The following RIPOR2 variants were observed in gnomAD, a reference collection of about 807,000 sequenced individuals.
RIPOR2 encodes the protein rho family-interacting cell polarization regulator 2.
In RIPOR2, 39 loss-of-function variants were observed where a neutral mutation model predicts 114.5. That is an observed-to-expected ratio of 0.34 (90% CI 0.26 to 0.44). The LOEUF (loss-of-function observed/expected upper bound fraction) is 0.44, where lower values mean the gene tolerates loss of function less well. RIPOR2 is among the 20% of genes least tolerant of loss of function. The pLI is 1.00. For synonymous variants in RIPOR2, 445 were observed against 484.4 expected, an observed-to-expected ratio of 0.92 and a Z score of 1.07; for missense variants, 1,007 against 1,255.1, an observed-to-expected ratio of 0.80 and a Z score of 2.99.
intron 15 of RIPOR2, among the ~76,000 whole-genome samples, 193 bp downstream of exon 15, chr6:24,835,510 T>A (rs1199558481): frequency 6.6e-6 from 1 of 151,964 alleles, no homozygotes; most frequent in East Asian, 1.9e-4. Context: ...GAGAGTTAGG[T>A]TCGAAGATGA....
At chr6:24,927,049 TACCACCACC>T (rs1160249990) in intron 1 of RIPOR2, among the ~76,000 whole-genome samples, 36 of 328 alleles carry the variant, frequency 0.11, 1 homozygote, top group East Asian at 0.5. Context: ...ATCATCTCAC[TACCACCACC>T]ACCACCACCA....
intron 1 of RIPOR2, among the ~76,000 whole-genome samples, chr6:25,018,131 G>T (rs1044130097): frequency 1.3e-5 from 2 of 152,138 alleles, no homozygotes; most frequent in Non-Finnish European, 1.5e-5. Flanking sequence ...AGTCTGAAGG[G>T]TTTCATGTTG....
intron 2 of RIPOR2, 35 bp from the exon 3 acceptor site, chr6:24,873,834 G>C: frequency 6.4e-7 from 1 of 1,552,546 alleles, no homozygotes; most frequent in Non-Finnish European, 8.7e-7. Context: ...TGAGGATTGG[G>C]CATCCAAAAG....
intron 1 of RIPOR2, among the ~76,000 whole-genome samples, chr6:24,982,127 T>G (rs1774322388): frequency 6.6e-6 from 1 of 152,252 alleles, no homozygotes; most frequent in African/African-American, 2.4e-5. Flanking sequence ...AGAGATCTCT[T>G]TTTTAAGTAA....
chr6:25,005,416 C>A (rs1347726207), intron 1 of RIPOR2, among the ~76,000 whole-genome samples: 1 of 151,990 alleles, frequency 6.6e-6, no homozygotes, highest in Non-Finnish European at 1.5e-5. Flanking sequence ...ACCTGCAGAG[C>A]ATCTATACAA....
chr6:24,983,721 C>T (rs1774403453), intron 1 of RIPOR2, among the ~76,000 whole-genome samples: 1 of 139,324 alleles, frequency 7.2e-6, no homozygotes, highest in African/African-American at 2.7e-5. Context: ...CGTGCCACTA[C>T]ACTCCAGCCT....
chr6:24,989,778 T>C (rs1225132106), intron 1 of RIPOR2, among the ~76,000 whole-genome samples: 1 of 151,678 alleles, frequency 6.6e-6, no homozygotes, highest in Non-Finnish European at 1.5e-5. Flanking sequence ...GGCGCGGTGA[T>C]CCCAGCACTT....
chr6:25,031,726 TATATATATATATATATATATATATAA>T (rs1776964990), intron 1 of RIPOR2, among the ~76,000 whole-genome samples: 1 of 106,344 alleles, frequency 9.4e-6, no homozygotes, highest in Admixed American at 9.0e-5. Context: ...TATATATATA[TATATATATATATATATATATATATAA>T]AATATCCATA....
intron 1 of RIPOR2, among the ~76,000 whole-genome samples, chr6:24,946,983 G>A (rs1278285003): frequency 6.6e-6 from 1 of 152,012 alleles, no homozygotes; most frequent in Non-Finnish European, 1.5e-5. Flanking sequence ...AAAACAATTT[G>A]GAGAAAGAGA....
intron 1 of RIPOR2, among the ~76,000 whole-genome samples, chr6:24,923,706 G>T (rs1013910043): frequency 6.6e-6 from 1 of 152,028 alleles, no homozygotes; most frequent in African/African-American, 2.4e-5. Flanking sequence ...ATTAGCAGGG[G>T]ACGTGATGGC....
At chr6:24,850,207 C>T (rs1344217139) in intron 10 of RIPOR2, among the ~76,000 whole-genome samples, 1 of 151,612 alleles carries the variant, frequency 6.6e-6, no homozygotes, top group East Asian at 1.9e-4. Flanking sequence ...AGTGATCCTC[C>T]CACCTCAGAC....
intron 1 of RIPOR2, among the ~76,000 whole-genome samples, chr6:24,925,670 C>A (rs1770813750): frequency 6.6e-6 from 1 of 151,940 alleles, no homozygotes; most frequent in African/African-American, 2.4e-5. Flanking sequence ...CCACTGTACT[C>A]CAGCCTGGTG....
chr6:24,888,771 A>G (rs1023299403), intron 1 of RIPOR2, among the ~76,000 whole-genome samples: 3 of 152,206 alleles, frequency 2.0e-5, no homozygotes, highest in East Asian at 1.9e-4. Flanking sequence ...ACACTAATAG[A>G]TTTTTCATAT....
At chr6:24,954,702 C>A (rs1772949773) in intron 1 of RIPOR2, among the ~76,000 whole-genome samples, 1 of 152,058 alleles carries the variant, frequency 6.6e-6, no homozygotes, top group Non-Finnish European at 1.5e-5. Flanking sequence ...TCTGCCTCAG[C>A]CTCCCAAAAT....
Position 24,806,425 on chromosome 6 carries a change from T to C in RIPOR2, c.3092A>G (p.Asp1031Gly), listed in dbSNP as rs368088673. The change falls in exon 22 of 22, where the codon GAC (aspartate) becomes GGC (glycine). Residue 1031 changes from aspartate to glycine, a missense_variant. Physicochemically the swap from Asp to Gly is moderately conservative, Grantham distance 94 (BLOSUM62 -1). Transcript: ENST00000643898. ...AYEQLDKFPR[D>G]CVKVGGRHGT... is the part of the protein sequence containing the mutation. ...ATGACGACCTCCGACTTTAACACAG[T>C]CTCGAGGAAATTTGTCCAATTGTTC... 44 of 1,551,808 alleles carry C rather than the reference T, an allele frequency of 2.8e-5. No individual in the cohort carries two copies. The African/African-American group carries it at 5.6e-4, about 20-fold the overall frequency.
chr6:24,990,378 A>G (rs1774752636), intron 1 of RIPOR2, among the ~76,000 whole-genome samples: 1 of 152,246 alleles, frequency 6.6e-6, no homozygotes, highest in Admixed American at 6.5e-5. Flanking sequence ...AGTCAATACC[A>G]AAAGAGGAAC....
chr6:24,972,223 TAGC>T (rs1455834803), intron 1 of RIPOR2, among the ~76,000 whole-genome samples: 5 of 152,212 alleles, frequency 3.3e-5, no homozygotes, highest in African/African-American at 1.2e-4. Context: ...TGGAATTTGT[TAGC>T]AGTCTATGGA....
At chr6:24,971,177 T>C (rs368005271) in intron 1 of RIPOR2, among the ~76,000 whole-genome samples, 1 of 152,142 alleles carries the variant, frequency 6.6e-6, no homozygotes. Flanking sequence ...TTAATAGCAG[T>C]TGTGGCTGAC....
At chr6:25,011,172 G>A (rs1433281282) in intron 1 of RIPOR2, among the ~76,000 whole-genome samples, 1 of 152,154 alleles carries the variant, frequency 6.6e-6, no homozygotes, top group African/African-American at 2.4e-5. Flanking sequence ...GGCTAGGAAT[G>A]CCAACAGAAA....
Sources: gnomAD v4.1 joint callset for allele counts (sites outside exome capture counted in the v4.1 genomes callset) on GRCh38, gnomAD v4.1.1 for gene constraint, MANE v1.5 for transcripts, NCBI Gene and HGNC (gene_info 2026-07-23, HGNC 2026-07-21) for gene names.